Variants in UNC13C observed in about 807,000 individuals in gnomAD.
UNC13C encodes the protein unc-13 homolog C.
Under a neutral mutation model 245.4 loss-of-function variants are expected in UNC13C, and 174 were observed. The ratio of observed to expected loss-of-function variants is 0.71; its 90% confidence interval spans 0.63 to 0.80. The LOEUF (loss-of-function observed/expected upper bound fraction) is 0.80, where lower values mean the gene tolerates loss of function less well. UNC13C is among the 30% of genes least tolerant of loss of function. The pLI, the probability that UNC13C is intolerant of heterozygous loss-of-function variation, is 0.00. For missense variants in UNC13C, 2,829 were observed against 2,602.9 expected (o/e 1.09, Z -1.89); for synonymous variants, 992 against 895.1 (o/e 1.11, Z -1.93).
Position 54,622,423 on chromosome 15 carries a change from T to C in UNC13C, c.6199+4T>C. On this transcript the variant is annotated splice_donor_region_variant and intron_variant, in intron 31 of 32. Coordinates refer to ENST00000260323, the MANE Select transcript of UNC13C (RefSeq NM_001080534.3). ...GATCATAAAGTCACTGTAAAAGGTA[T>C]ACTTCTGGTCTAGATAAATCAAAAC... 6.2e-7 allele frequency: 1 copy of C among 1,606,898 alleles called. No individual in the cohort carries two copies.
At chr15:54,460,940 T>C (rs7181991) in intron 19 of UNC13C, among the ~76,000 whole-genome samples, 151,368 of 152,248 alleles carry the variant, frequency 0.99, 75,271 homozygotes, top group Middle Eastern at 1. Flanking sequence ...CCTTATTGTT[T>C]GTTTATATTT....
intron 14 of UNC13C, among the ~76,000 whole-genome samples, chr15:54,328,680 TG>T (rs1473157624): frequency 8.6e-5 from 13 of 152,044 alleles, no homozygotes; most frequent in African/African-American, 2.7e-4. Context: ...CCCCAAATCC[TG>T]GGGGGAACTT....
At position 54,471,603 on chromosome 15, in the gene UNC13C, C is replaced by T. The variant is rs180759787; in HGVS notation, c.4934-23005C>T. On this transcript the variant is annotated intron_variant, in intron 19 of 32. Coordinates refer to ENST00000260323, the MANE Select transcript of UNC13C (RefSeq NM_001080534.3). ...TTTTCCATAAGGTGAAAAGACCTAA[C>T]TATATGCTATATGTAGGTAGCATAT... Among the ~76,000 whole-genome samples, 239 of 151,618 alleles carry T rather than the reference C, an allele frequency of 1.6e-3. 1 individual carries two copies. Among genetic ancestry groups the T allele is most frequent in the African/African-American group, 5.3e-3 (221 of 41,482 alleles).
At chr15:54,042,185 A>T (rs1323292172) in intron 2 of UNC13C, among the ~76,000 whole-genome samples, 1 of 152,214 alleles carries the variant, frequency 6.6e-6, no homozygotes, top group Non-Finnish European at 1.5e-5. Context: ...CCTCTATAAA[A>T]TATCACAATA....
chr15:54,393,209 G>T, intron 18 of UNC13C, 28 bp downstream of exon 18: 2 of 1,481,324 alleles, frequency 1.4e-6, no homozygotes, highest in South Asian at 1.5e-5. Flanking sequence ...GAAATGAATG[G>T]ATTTTATTCC....
chr15:54,163,808 G>A lies in UNC13C; in HGVS notation c.3071+20124G>A, dbSNP rs144062732. Reference sequence around the variant, plus strand: ...ATAATTTTGGAGAGTGAAGTTACTTGGAATCAGAAGAAATAATTATAGTGT... The same window carrying A: ...ATAATTTTGGAGAGTGAAGTTACTTAGAATCAGAAGAAATAATTATAGTGT... On this transcript the variant is annotated intron_variant, in intron 4 of 32. Coordinates refer to ENST00000260323, the MANE Select transcript of UNC13C (RefSeq NM_001080534.3). Among the ~76,000 whole-genome samples, 346 of 152,188 alleles carry A rather than the reference G, an allele frequency of 2.3e-3. 3 individuals are homozygous for A. The highest frequency in any genetic ancestry group is 8.2e-3 in the African/African-American group (342 of 41,536).
chr15:54,311,836 C>T (rs959407452), intron 13 of UNC13C, among the ~76,000 whole-genome samples: 2 of 151,738 alleles, frequency 1.3e-5, no homozygotes, highest in African/African-American at 4.8e-5. Context: ...ATAGGTTATA[C>T]AATTTTGCAT....
At chr15:53,886,222 A>G in the UNC13C span, among the ~76,000 whole-genome samples, 3 of 152,170 alleles carry the variant, frequency 2.0e-5, no homozygotes, top group Admixed American at 6.5e-5. Context: ...ATCATTCTCC[A>G]ACAAAAAGAA....
At chr15:54,405,550 G>A (rs2040273711) in intron 18 of UNC13C, among the ~76,000 whole-genome samples, 1 of 152,104 alleles carries the variant, frequency 6.6e-6, no homozygotes, top group African/African-American at 2.4e-5. Flanking sequence ...TAGTGTCAAA[G>A]TGAGATTACA....
At chr15:53,839,229 G>T in the UNC13C span, among the ~76,000 whole-genome samples, 1 of 151,726 alleles carries the variant, frequency 6.6e-6, no homozygotes, top group South Asian at 2.1e-4. Context: ...CCCCCAATTA[G>T]GACTCATATC....
At position 54,344,102 on chromosome 15, in the gene UNC13C, G is replaced by A. The variant is rs79984313; in HGVS notation, c.4713+5613G>A. ...AACTAACATGGAAGTTCGAAAGTTGGGGCCTGGTTAAAAAGAGAGCTCAGA... is the reference window on the plus strand; with the variant it reads ...AACTAACATGGAAGTTCGAAAGTTGAGGCCTGGTTAAAAAGAGAGCTCAGA... On this transcript the variant is annotated intron_variant, in intron 17 of 32. Coordinates refer to ENST00000260323, the MANE Select transcript of UNC13C (RefSeq NM_001080534.3). Among the ~76,000 whole-genome samples the A allele has an allele frequency of 4.2e-3, 634 of 152,210 alleles. 27 individuals carry two copies. The East Asian group carries it at 0.087, about 21-fold the overall frequency.
At chr15:54,200,063 C>A (rs2034475303) in intron 4 of UNC13C, among the ~76,000 whole-genome samples, 1 of 145,422 alleles carries the variant, frequency 6.9e-6, no homozygotes, top group Non-Finnish European at 1.6e-5. Context: ...AACTTTAAAG[C>A]AATAGCGGTT....
At chr15:53,924,874 G>A in the UNC13C span, among the ~76,000 whole-genome samples, 3 of 152,124 alleles carry the variant, frequency 2.0e-5, no homozygotes, top group Admixed American at 6.5e-5. Context: ...AAAAATTAAT[G>A]TTTTCCCTTT....
At chr15:54,213,185 T>C (rs112004548) in intron 4 of UNC13C, among the ~76,000 whole-genome samples, 4,550 of 152,142 alleles carry the variant, frequency 0.03, 230 homozygotes, top group African/African-American at 0.11. Flanking sequence ...CCACAATGTT[T>C]ACATATATTG....
chr15:53,855,307 C>G, the UNC13C span, among the ~76,000 whole-genome samples: 1 of 152,006 alleles, frequency 6.6e-6, no homozygotes, highest in Non-Finnish European at 1.5e-5. Context: ...GCCTGATTGC[C>G]CTGGCCAGAG....
chr15:54,149,067 G>C (rs921188639), intron 4 of UNC13C, among the ~76,000 whole-genome samples: 1 of 152,084 alleles, frequency 6.6e-6, no homozygotes, highest in African/African-American at 2.4e-5. Flanking sequence ...GTTCTCATGA[G>C]ATCCGAGGCT....
At chr15:54,444,108 T>C (rs1226476083) in intron 19 of UNC13C, among the ~76,000 whole-genome samples, 1 of 151,932 alleles carries the variant, frequency 6.6e-6, no homozygotes, top group Non-Finnish European at 1.5e-5. Context: ...AGAACTGTTA[T>C]GTCCTCTTTC....
chr15:53,942,868 G>T, the UNC13C span, among the ~76,000 whole-genome samples: 1 of 152,158 alleles, frequency 6.6e-6, no homozygotes. Flanking sequence ...TCGCCATGTT[G>T]CCCAGGCTGG....
At chr15:54,134,852 T>A (rs1003328347) in intron 2 of UNC13C, among the ~76,000 whole-genome samples, 2 of 152,208 alleles carry the variant, frequency 1.3e-5, no homozygotes, top group Admixed American at 1.3e-4. Flanking sequence ...ATTGCTGGAT[T>A]ATTATAGTAG....
Sources: gnomAD v4.1 joint callset for allele counts (sites outside exome capture counted in the v4.1 genomes callset) on GRCh38, gnomAD v4.1.1 for gene constraint, MANE v1.5 for transcripts, NCBI Gene and HGNC (gene_info 2026-07-23, HGNC 2026-07-21) for gene names.